C17orf75: variants seen among roughly 807,000 people sequenced by gnomAD.
C17orf75 encodes protein Njmu-R1.
C17orf75 carries 32 observed loss-of-function variants against 49.6 expected under a neutral mutation model. The observed-to-expected ratio is 0.65, with a 90% confidence interval of 0.49 to 0.87. The LOEUF (loss-of-function observed/expected upper bound fraction) is 0.87. Ranked by LOEUF, C17orf75 falls within the 40% of genes least tolerant of loss-of-function variation. The pLI, the probability that C17orf75 is intolerant of heterozygous loss-of-function variation, is 0.00. For missense variants in C17orf75, 428 were observed against 473.9 expected (o/e 0.90, Z 0.90); for synonymous variants, 158 against 159.5 (o/e 0.99, Z 0.07).
At chr17:32,333,544 A>C in intron 8 of C17orf75, 24 bp from the exon 9 acceptor site, 1 of 1,527,618 alleles carries the variant, frequency 6.5e-7, no homozygotes, top group Non-Finnish European at 8.9e-7. Context: ...CAGAGAGACT[A>C]AATAAAATGA....
chr17:32,349,216 A>G (rs2041458581), intron 1 of C17orf75, among the ~76,000 whole-genome samples: 1 of 152,084 alleles, frequency 6.6e-6, no homozygotes, highest in South Asian at 2.1e-4. Flanking sequence ...CCCAGCCTCA[A>G]AGACTTAAAC....
intron 9 of C17orf75, among the ~76,000 whole-genome samples, chr17:32,332,262 C>A (rs112858296): frequency 4.2e-4 from 64 of 152,228 alleles, no homozygotes; most frequent in African/African-American, 1.4e-3. Flanking sequence ...CCTGCCTCAG[C>A]CTCCCAAGTA....
chr17:32,338,309 T>C lies in C17orf75; in HGVS notation c.390A>G (p.Gln130=), dbSNP rs760210392. The C allele has an allele frequency of 8.1e-6, 13 of 1,611,870 alleles. No individual in the cohort carries two copies. Among genetic ancestry groups the C allele is most frequent in the South Asian group, 7.7e-5 (7 of 90,326 alleles). ...CTGTTTCAGGAAGCAGTTTTTCATTTTGGAAAAGGCAGTAATAACAACCAA... is the reference window on the plus strand; with the variant it reads ...CTGTTTCAGGAAGCAGTTTTTCATTCTGGAAAAGGCAGTAATAACAACCAA... The part of the protein sequence containing the change: ...YRVGCYYCLF[Q]NEKLLPETVT... The change falls in exon 4 of 10, where the codon CAA becomes CAG. Residue 130 remains glutamine (Q), a synonymous_variant. Coordinates refer to ENST00000577809, the MANE Select transcript of C17orf75 (RefSeq NM_022344.4).
At chr17:32,332,194 G>A (rs1405378223) in intron 9 of C17orf75, among the ~76,000 whole-genome samples, 1 of 152,144 alleles carries the variant, frequency 6.6e-6, no homozygotes, top group Non-Finnish European at 1.5e-5. Flanking sequence ...CCAGGCTGAA[G>A]CGCAATGGCT....
chr17:32,342,687 G>A (rs931015695), upstream of C17orf75, among the ~76,000 whole-genome samples: 5 of 152,236 alleles, frequency 3.3e-5, no homozygotes, highest in African/African-American at 1.2e-4. Flanking sequence ...TGTAATTCCA[G>A]TGCTTTGGGA....
Position 32,331,711 on chromosome 17 carries a change from C to G in C17orf75, c.*52G>C. ...GAACAATTATAACTGCAATTTCAAACACTAAGACTTAAATATACAACTTGA... is the reference window on the plus strand; with the variant it reads ...GAACAATTATAACTGCAATTTCAAAGACTAAGACTTAAATATACAACTTGA... On this transcript the variant is annotated 3_prime_UTR_variant, in exon 10 of 10. Coordinates refer to ENST00000577809, the MANE Select transcript of C17orf75 (RefSeq NM_022344.4). 7.0e-7 allele frequency: 1 copy of G among 1,424,830 alleles called. No individual in the cohort carries two copies. The highest frequency in any genetic ancestry group is 9.9e-7 in the Non-Finnish European group (1 of 1,012,674). 88.3% of individuals were successfully genotyped at this position (1,424,830 alleles called of 1,614,324 possible). A position where few individuals can be genotyped will look rare whatever the true frequency, so the allele number is the denominator to read the frequency against.
chr17:32,340,687 T>C (rs2041370995), intron 2 of C17orf75, among the ~76,000 whole-genome samples: 2 of 149,890 alleles, frequency 1.3e-5, no homozygotes, highest in African/African-American at 4.9e-5. Flanking sequence ...AGGTGGCTCA[T>C]GCCTGTAATC....
At chr17:32,336,632 T>G (rs1826098124) in intron 5 of C17orf75, among the ~76,000 whole-genome samples, 1 of 152,240 alleles carries the variant, frequency 6.6e-6, no homozygotes, top group Admixed American at 6.5e-5. Context: ...GCCATACTAT[T>G]GCATAGCATG....
intron 8 of C17orf75, among the ~76,000 whole-genome samples, chr17:32,333,835 A>C (rs780667622): frequency 3.3e-5 from 5 of 152,190 alleles, no homozygotes; most frequent in Non-Finnish European, 7.3e-5. Context: ...CTAAAAAAAC[A>C]GTGTGCTCAC....
rs552809817 is a variant in C17orf75, at chr17:32,338,048, C to A, written c.492-94G>T. On this transcript the variant is annotated intron_variant, in intron 4 of 9. Transcript: ENST00000577809. ...AAAATCTCTCAAATAATGTGAGCTG[C>A]AAATGCAAACAAGCCAAGGCAAAAT... is the stretch of plus-strand genomic sequence containing the variant. 2.0e-6 allele frequency: 3 copies of A among 1,516,114 alleles called. No individual in the cohort carries two copies. The Admixed American group carries it at 5.5e-5, about 28-fold the overall frequency. 93.9% of individuals were successfully genotyped at this position (1,516,114 alleles called of 1,614,324 possible). A position where few individuals can be genotyped will look rare whatever the true frequency, so the allele number is the denominator to read the frequency against.
intron 2 of C17orf75, among the ~76,000 whole-genome samples, 181 bp from the exon 3 acceptor site, chr17:32,340,119 T>C (rs1408024990): frequency 2.0e-5 from 3 of 152,184 alleles, no homozygotes; most frequent in Non-Finnish European, 4.4e-5. Context: ...CCTCATCAAA[T>C]AGCTTAAAAT....
Position 32,342,157 on chromosome 17 carries a change from G to A in C17orf75, c.-18C>T. On this transcript the variant is annotated 5_prime_UTR_variant, in exon 1 of 10. Transcript: ENST00000577809. Reference sequence around the variant, plus strand: ...GGGAGCATTGCGGCGGCCTCTGAGCGGCCCTGTGTCTCCGCCAAACCGCTC... The same window carrying A: ...GGGAGCATTGCGGCGGCCTCTGAGCAGCCCTGTGTCTCCGCCAAACCGCTC... 6.3e-7 allele frequency: 1 copy of A among 1,576,680 alleles called. No individual in the cohort carries two copies. The highest frequency in any genetic ancestry group is 8.6e-7 in the Non-Finnish European group (1 of 1,162,754).
intron 2 of C17orf75, 55 bp downstream of exon 2, chr17:32,341,149 A>G (rs2150778954): frequency 6.4e-7 from 1 of 1,561,294 alleles, no homozygotes; most frequent in African/African-American, 1.4e-5. Context: ...TGTACAGGCC[A>G]GAGATGCAGG....
At chr17:32,333,323 A>T (rs2041293991) in intron 9 of C17orf75, 94 bp downstream of exon 9, 2 of 841,614 alleles carry the variant, frequency 2.4e-6, no homozygotes, top group African/African-American at 3.4e-5. Context: ...AACAGACATC[A>T]CAGCTATAAA....
chr17:32,344,604 A>AG (rs1567805972), upstream of C17orf75, among the ~76,000 whole-genome samples: 3 of 146,096 alleles, frequency 2.1e-5, no homozygotes, highest in African/African-American at 5.1e-5. Context: ...AAAAAAAAAA[A>AG]AAAGAAAGAA....
At chr17:32,335,479 G>A (rs1434157107) in intron 5 of C17orf75, 37 bp from the exon 6 acceptor site, 7 of 1,605,026 alleles carry the variant, frequency 4.4e-6, no homozygotes, top group Admixed American at 1.7e-5. Flanking sequence ...TTTAATATAA[G>A]CCTTTCCTTT....
At chr17:32,337,525 T>A (rs1346924059) in intron 5 of C17orf75, among the ~76,000 whole-genome samples, 1 of 152,120 alleles carries the variant, frequency 6.6e-6, no homozygotes, top group African/African-American at 2.4e-5. Flanking sequence ...AATACAGGCG[T>A]CTTTGTGTCT....
chr17:32,334,985 G>A, intron 6 of C17orf75, 146 bp from the exon 7 acceptor site: 1 of 690,190 alleles, frequency 1.4e-6, no homozygotes, highest in Non-Finnish European at 2.3e-6. Context: ...GCCTTGTTCA[G>A]CCACTGCTCA....
chr17:32,331,470 C>A lies in C17orf75; in HGVS notation c.*293G>T. On this transcript the variant is annotated 3_prime_UTR_variant, in exon 10 of 10. Transcript: ENST00000577809. Reference sequence around the variant, plus strand: ...AACTCAGGCTTTTCCTGAGAAAAGCCACAAACAAAATCATCTCTGAAATTT... The same window carrying A: ...AACTCAGGCTTTTCCTGAGAAAAGCAACAAACAAAATCATCTCTGAAATTT... 3.4e-6 allele frequency: 1 copy of A among 295,948 alleles called. No homozygotes were observed. Among genetic ancestry groups the A allele is most frequent in the South Asian group, 6.8e-5 (1 of 14,614 alleles). The allele number at this position is 295,948 out of a possible 1,614,324, so 18.3% of individuals were successfully genotyped here. A position where few individuals can be genotyped will look rare whatever the true frequency, so the allele number is the denominator to read the frequency against.
Sources: gnomAD v4.1 joint callset for allele counts (sites outside exome capture counted in the v4.1 genomes callset) on GRCh38, gnomAD v4.1.1 for gene constraint, MANE v1.5 for transcripts, NCBI Gene and HGNC (gene_info 2026-07-23, HGNC 2026-07-21) for gene names.